Variants in FUT9 observed in about 807,000 individuals in gnomAD.
FUT9 encodes 4-galactosyl-N-acetylglucosaminide 3-alpha-L-fucosyltransferase 9.
A neutral mutation model predicts 29.7 loss-of-function variants in FUT9; 15 were observed. The observed-to-expected ratio is 0.51, with a 90% CI of 0.34 to 0.78. FUT9 has a LOEUF of 0.78. Among genes scored for constraint, FUT9 ranks in the 30% least tolerant of loss-of-function variants. The pLI is 0.01. For synonymous variants in FUT9, 169 were observed against 153.7 expected, an observed-to-expected ratio of 1.10 and a Z score of -0.74; for missense variants, 319 against 425.4, an observed-to-expected ratio of 0.75 and a Z score of 2.20.
At chr6:96,050,873 C>T (rs1770654206) in intron 1 of FUT9, among the ~76,000 whole-genome samples, 1 of 152,112 alleles carries the variant, frequency 6.6e-6, no homozygotes. Context: ...ACAACTACTT[C>T]TAATTACTTA....
intron 1 of FUT9, among the ~76,000 whole-genome samples, chr6:96,111,013 C>T (rs1434058185): frequency 6.6e-6 from 1 of 151,974 alleles, no homozygotes; most frequent in South Asian, 2.1e-4. Context: ...CCATGCAAAC[C>T]CAGTCATTTA....
intron 1 of FUT9, among the ~76,000 whole-genome samples, chr6:96,099,037 T>A (rs971180651): frequency 2.0e-5 from 3 of 152,160 alleles, no homozygotes; most frequent in Non-Finnish European, 4.4e-5. Context: ...AATCTGTGCA[T>A]CCTTTATCTC....
chr6:96,123,242 G>T (rs1197606471), intron 2 of FUT9, among the ~76,000 whole-genome samples: 1 of 152,022 alleles, frequency 6.6e-6, no homozygotes, highest in African/African-American at 2.4e-5. Flanking sequence ...GCTGTTGAAC[G>T]AATTACTAAC....
At chr6:96,095,726 A>G (rs1022555408) in intron 1 of FUT9, among the ~76,000 whole-genome samples, 2 of 152,036 alleles carry the variant, frequency 1.3e-5, no homozygotes, top group Non-Finnish European at 2.9e-5. Flanking sequence ...TGGTGATTTC[A>G]TCAAATTTCA....
At chr6:96,103,127 G>T (rs376185137) in intron 1 of FUT9, among the ~76,000 whole-genome samples, 7 of 152,234 alleles carry the variant, frequency 4.6e-5, no homozygotes, top group Admixed American at 3.9e-4. Flanking sequence ...GAGTAGGGGA[G>T]GAGACCAGTG....
intron 2 of FUT9, among the ~76,000 whole-genome samples, chr6:96,177,901 G>T (rs1349924155): frequency 1.3e-5 from 2 of 152,038 alleles, no homozygotes; most frequent in Non-Finnish European, 1.5e-5. Context: ...TCTTCCATTA[G>T]AATTACACCA....
chr6:96,073,718 C>T (rs954808353), intron 1 of FUT9, among the ~76,000 whole-genome samples: 5 of 152,190 alleles, frequency 3.3e-5, no homozygotes, highest in African/African-American at 1.2e-4. Flanking sequence ...ATTAAAGGCG[C>T]GAGATGCTAA....
At position 96,049,582 on chromosome 6, in the gene FUT9, TA is replaced by T. The variant is rs1199401850; in HGVS notation, c.-98+33371del. On this transcript the variant is annotated intron_variant, in intron 1 of 2. Transcript: ENST00000302103. The stretch of plus-strand genomic sequence containing the variant: ...TTTGAAAAGAGGTGGTTGGTTTTAA[TA>T]CTCATCCATTTGTATTAGCATGAGA... 3.3e-5 allele frequency among the ~76,000 whole-genome samples: 5 copies of T among 152,338 alleles called. No individual in the cohort carries two copies. The East Asian group carries it at 9.7e-4, about 29-fold the overall frequency.
At chr6:96,134,806 T>C (rs1772317271) in intron 2 of FUT9, among the ~76,000 whole-genome samples, 1 of 151,982 alleles carries the variant, frequency 6.6e-6, no homozygotes, top group Non-Finnish European at 1.5e-5. Context: ...CACTACACTA[T>C]ACTACTTCTC....
At position 96,198,814 on chromosome 6, in the gene FUT9, C is replaced by A. The variant is rs1006771758; in HGVS notation, c.-8-4334C>A. Reference sequence around the variant, plus strand: ...GACTTTTTAATGATTGCCATTCTAACTGGTGTGAGATGGTATCTCATTGTG... The same window carrying A: ...GACTTTTTAATGATTGCCATTCTAAATGGTGTGAGATGGTATCTCATTGTG... On this transcript the variant is annotated intron_variant, in intron 2 of 2. Coordinates refer to ENST00000302103, the MANE Select transcript of FUT9 (RefSeq NM_006581.4). Among the ~76,000 whole-genome samples, 14 of 152,236 alleles carry A rather than the reference C, an allele frequency of 9.2e-5. 1 individual carries two copies. Among genetic ancestry groups the A allele is most frequent in the Admixed American group, 5.2e-4 (8 of 15,288 alleles).
chr6:96,158,839 A>G (rs1772840875), intron 2 of FUT9, among the ~76,000 whole-genome samples: 1 of 152,050 alleles, frequency 6.6e-6, no homozygotes, highest in Non-Finnish European at 1.5e-5. Context: ...CTTTAACATC[A>G]TTTGTTAAAT....
intron 1 of FUT9, among the ~76,000 whole-genome samples, chr6:96,107,566 T>C (rs1423931825): frequency 6.6e-6 from 1 of 152,144 alleles, no homozygotes; most frequent in Admixed American, 6.6e-5. Context: ...TTCCCCGAAA[T>C]ACATGTTGAA....
rs992955197 is a variant in FUT9, at chr6:96,114,096, C to T, written c.-40C>T. The stretch of plus-strand genomic sequence containing the variant: ...TACAGTGAAGTAGTATAACAACTGT[C>T]TACGTGCTTCCCATGATATGTTCTC... On this transcript the variant is annotated 5_prime_UTR_variant, in exon 2 of 3. Transcript: ENST00000302103. The T allele has an allele frequency of 2.0e-5, 3 of 152,106 alleles. No individual in the cohort carries two copies. Among genetic ancestry groups the T allele is most frequent in the Admixed American group, 6.5e-5 (1 of 15,280 alleles). The allele number at this position is 152,106 out of a possible 1,614,324, so 9.4% of individuals were successfully genotyped here.
At chr6:96,197,693 C>G (rs1043206748) in intron 2 of FUT9, among the ~76,000 whole-genome samples, 1 of 152,094 alleles carries the variant, frequency 6.6e-6, no homozygotes, top group Admixed American at 6.5e-5. Flanking sequence ...TCCAACAAGT[C>G]CTAATGGCAT....
rs1397739274 is a variant in FUT9, at chr6:96,035,884, T to C, written c.-98+19672T>C. 1.5e-3 allele frequency among the ~76,000 whole-genome samples: 155 copies of C among 102,068 alleles called. 1 individual carries two copies. The highest frequency in any genetic ancestry group is 4.9e-3 in the African/African-American group (149 of 30,210). 67.0% of individuals were successfully genotyped at this position (102,068 alleles called of 152,430 possible). ...TATATTAATATAATATAATACATTATGTTTATTATATTAATATAATATAAT... is the reference window on the plus strand; with the variant it reads ...TATATTAATATAATATAATACATTACGTTTATTATATTAATATAATATAAT... On this transcript the variant is annotated intron_variant, in intron 1 of 2. Coordinates refer to ENST00000302103, the MANE Select transcript of FUT9 (RefSeq NM_006581.4).
intron 1 of FUT9, among the ~76,000 whole-genome samples, chr6:96,026,204 G>T (rs965042848): frequency 1.3e-5 from 2 of 151,716 alleles, no homozygotes; most frequent in African/African-American, 4.8e-5. Context: ...AGTGACAAAA[G>T]ACTTCAATAA....
intron 1 of FUT9, among the ~76,000 whole-genome samples, chr6:96,051,012 C>CTCTG (rs1770657728): frequency 2.0e-5 from 3 of 149,654 alleles, no homozygotes; most frequent in Non-Finnish European, 3.0e-5. Flanking sequence ...CTCTCTCTCT[C>CTCTG]TGTGTGTGTG....
chr6:96,051,611 C>T (rs1009655078), intron 1 of FUT9, among the ~76,000 whole-genome samples: 7 of 151,960 alleles, frequency 4.6e-5, no homozygotes, highest in African/African-American at 1.7e-4. Flanking sequence ...TGAGATTCTG[C>T]CACTGCACTC....
chr6:96,188,676 C>A (rs1030694375), intron 2 of FUT9, among the ~76,000 whole-genome samples: 1 of 146,780 alleles, frequency 6.8e-6, no homozygotes, highest in African/African-American at 2.5e-5. Context: ...AACACATGCA[C>A]ATATATTTTT....
Sources: allele counts gnomAD v4.1 joint callset (sites outside exome capture counted in the v4.1 genomes callset), GRCh38; gene constraint gnomAD v4.1.1; transcripts MANE v1.5; gene names NCBI Gene and HGNC (gene_info 2026-07-23, HGNC 2026-07-21).